The following TMEM231 variants were observed in gnomAD, a reference collection of about 807,000 sequenced individuals.
TMEM231 encodes the protein transmembrane protein 231.
A neutral mutation model predicts 38.5 loss-of-function variants in TMEM231; 40 were observed. The ratio of observed to expected loss-of-function variants is 1.04; its 90% CI spans 0.81 to 1.35. The LOEUF (loss-of-function observed/expected upper bound fraction) is 1.35. Among genes scored for constraint, TMEM231 ranks in the 40% most tolerant of loss-of-function variants. TMEM231 has a pLI of 0.00. For synonymous variants in TMEM231, 199 were observed against 181.7 expected (o/e 1.10, Z -0.77); for missense variants, 420 against 416.9 (o/e 1.01, Z -0.07).
At position 75,538,195 on chromosome 16, in the gene TMEM231, A is replaced by G. The variant is rs1404373407; in HGVS notation, c.*1799T>C. The G allele has an allele frequency of 6.6e-6, 1 of 152,136 alleles. No homozygotes were observed. Among genetic ancestry groups the G allele is most frequent in the Non-Finnish European group, 1.5e-5 (1 of 68,024 alleles). The allele number at this position is 152,136 out of a possible 1,614,324, so 9.4% of individuals were successfully genotyped here. On this transcript the variant is annotated 3_prime_UTR_variant, in exon 7 of 7. Coordinates refer to ENST00000258173, the MANE Select transcript of TMEM231 (RefSeq NM_001077418.3). ...CACTCTGTCACCCAGGCTACAGTAC[A>G]GTGGTGCAATCATAGCACACTGCAG... is the stretch of plus-strand genomic sequence containing the variant.
chr16:75,540,177 A>C lies in TMEM231; in HGVS notation c.771-3T>G, dbSNP rs756762116. ...TCTCCCAGAATCCTGGCTGATAAGT[A>C]TGGACAGTTAAGGAGTGAAGGGCCA... On this transcript the variant is annotated splice_region_variant and splice_polypyrimidine_tract_variant and intron_variant, in intron 6 of 6. Transcript: ENST00000258173. 6.2e-7 allele frequency: 1 copy of C among 1,611,226 alleles called. No individual in the cohort carries two copies. The highest frequency in any genetic ancestry group is 8.5e-7 in the Non-Finnish European group (1 of 1,178,678).
rs1242818846 is a variant in TMEM231, at chr16:75,538,208, T to C, written c.*1786A>G. The C allele has an allele frequency of 6.6e-6, 1 of 152,144 alleles. No individual in the cohort carries two copies. Among genetic ancestry groups the C allele is most frequent in the African/African-American group, 2.4e-5 (1 of 41,416 alleles). The allele number at this position is 152,144 out of a possible 1,614,324, so 9.4% of individuals were successfully genotyped here. ...AGGCTACAGTACAGTGGTGCAATCA[T>C]AGCACACTGCAGCCTCAAGCTCCTG... On this transcript the variant is annotated 3_prime_UTR_variant, in exon 7 of 7. Transcript: ENST00000258173.
rs2080567756 is a variant in TMEM231, at chr16:75,537,120, T to TC, written c.*2873dup. ...CTGGGTAACAGAGTGAGACTCTGTC[T>TC]CAAAAAAAAAAAAAAAAAAGAAAAA... On this transcript the variant is annotated 3_prime_UTR_variant, in exon 7 of 7. Transcript: ENST00000258173. 3.4e-5 allele frequency: 2 copies of TC among 58,932 alleles called. No individual in the cohort carries two copies. The highest frequency in any genetic ancestry group is 5.7e-5 in the Non-Finnish European group (2 of 35,170). 3.7% of individuals were successfully genotyped at this position (58,932 alleles called of 1,614,324 possible).
In TMEM231 at chr16:75,537,439, C is replaced by T. The variant is rs1303823785; in HGVS notation, c.*2555G>A. 1 of 151,632 alleles carries T rather than the reference C, an allele frequency of 6.6e-6. No individual in the cohort carries two copies. The highest frequency in any genetic ancestry group is 1.5e-5 in the Non-Finnish European group (1 of 67,958). 9.4% of individuals were successfully genotyped at this position (151,632 alleles called of 1,614,324 possible). ...CAAATATTCAGTAATAACATCAAAC[C>T]TTAACTTAGCTATGGGTCGGAGCTG... is the stretch of plus-strand genomic sequence containing the variant. On this transcript the variant is annotated 3_prime_UTR_variant, in exon 7 of 7. Coordinates refer to ENST00000258173, the MANE Select transcript of TMEM231 (RefSeq NM_001077418.3).
At position 75,539,329 on chromosome 16, in the gene TMEM231, C is replaced by G. The variant is rs576348684; in HGVS notation, c.*665G>C. ...TAGGGCAAAGAGCCCAGTCACAGTA[C>G]GGCAAAGATCCAGGGCTGCTCAGCT... On this transcript the variant is annotated 3_prime_UTR_variant, in exon 7 of 7. Transcript: ENST00000258173. 4.6e-5 allele frequency: 7 copies of G among 152,518 alleles called. No homozygotes were observed. Among genetic ancestry groups the G allele is most frequent in the African/African-American group, 1.4e-4 (6 of 41,476 alleles). 9.4% of individuals were successfully genotyped at this position (152,518 alleles called of 1,614,324 possible).
At chr16:75,555,070 C>T (rs1236192788) in intron 2 of TMEM231, 3 of 152,140 alleles carry the variant, frequency 2.0e-5, no homozygotes, top group Non-Finnish European at 4.4e-5. Context: ...AAGTTTCATA[C>T]TTCTAAAGGA....
intron 3 of TMEM231, among the ~76,000 whole-genome samples, 162 bp downstream of exon 3, chr16:75,545,664 T>C (rs2080681007): frequency 1.1e-5 from 1 of 91,940 alleles, no homozygotes; most frequent in Non-Finnish European, 2.2e-5. Context: ...CCCATGTCAG[T>C]TAATATGACT....
rs776577271 is a variant in TMEM231 at position 75,541,384 on chromosome 16, T to G, written c.736A>C (p.Asn246His). The stretch of plus-strand genomic sequence containing the variant: ...TCCACAGGGTATCGGATGATAGCAT[T>G]AATCACAAATGGAGCATCTGCGGCC... ...GRAADAPFVINAIIRYPVEVI... is the reference protein window; with the variant it reads ...GRAADAPFVIHAIIRYPVEVI... The change falls in exon 6 of 7, where the codon AAT becomes CAT. Residue 246 changes from asparagine (N) to histidine (H), a missense_variant. Physicochemically the swap from Asn to His is moderately conservative, Grantham distance 68. Coordinates refer to ENST00000258173, the MANE Select transcript of TMEM231 (RefSeq NM_001077418.3). 6.2e-7 allele frequency: 1 copy of G among 1,611,946 alleles called. No individual in the cohort carries two copies. The highest frequency in any genetic ancestry group is 1.1e-5 in the South Asian group (1 of 90,792).
At chr16:75,546,196 A>G (rs1328809039) in intron 2 of TMEM231, 1 of 1,182,468 alleles carries the variant, frequency 8.5e-7, no homozygotes, top group Non-Finnish European at 1.2e-6. Flanking sequence ...ATAAATGGGC[A>G]ATAACAAAAA....
Position 75,537,901 on chromosome 16 carries a change from A to G in TMEM231, c.*2093T>C, listed in dbSNP as rs1281815880. The G allele has an allele frequency of 3.3e-5, 5 of 152,220 alleles. No homozygotes were observed. Among genetic ancestry groups the G allele is most frequent in the Admixed American group, 1.3e-4 (2 of 15,266 alleles). 9.4% of individuals were successfully genotyped at this position (152,220 alleles called of 1,614,324 possible). On this transcript the variant is annotated 3_prime_UTR_variant, in exon 7 of 7. Transcript: ENST00000258173. ...ACACAGTCATAATTATCCAACACGT[A>G]GATTTCACATGGCATGTGAATCCCA...
rs1473195653 is a variant in TMEM231, at chr16:75,538,448, T to C, written c.*1546A>G. ...CATATCTCATTGCCTTATGTGAATT[T>C]AAACAAGAAACTATTTTTCGTTTAG... On this transcript the variant is annotated 3_prime_UTR_variant, in exon 7 of 7. Coordinates refer to ENST00000258173, the MANE Select transcript of TMEM231 (RefSeq NM_001077418.3). The C allele has an allele frequency of 6.6e-6, 1 of 152,230 alleles. No individual in the cohort carries two copies. Among genetic ancestry groups the C allele is most frequent in the African/African-American group, 2.4e-5 (1 of 41,462 alleles). The allele number at this position is 152,230 out of a possible 1,614,324, so 9.4% of individuals were successfully genotyped here.
intron 2 of TMEM231, among the ~76,000 whole-genome samples, chr16:75,551,207 TC>T (rs1248742026): frequency 6.6e-6 from 1 of 152,202 alleles, no homozygotes; most frequent in Admixed American, 6.5e-5. Flanking sequence ...TCTTTTTTTT[TC>T]TATTTCTTTT....
At chr16:75,545,772 T>C (rs2080682253) in intron 3 of TMEM231, 54 bp downstream of exon 3, 7 of 757,328 alleles carry the variant, frequency 9.2e-6, no homozygotes, top group Non-Finnish European at 9.9e-6. Context: ...AGAAGGACTC[T>C]GGTCTACTAA....
intron 4 of TMEM231, among the ~76,000 whole-genome samples, chr16:75,543,428 G>C (rs1240934739): frequency 6.6e-6 from 1 of 152,132 alleles, no homozygotes; most frequent in African/African-American, 2.4e-5. Context: ...AAATTAGCCA[G>C]GCGTGGTGGC....
intron 2 of TMEM231, among the ~76,000 whole-genome samples, chr16:75,553,875 T>C (rs553769687): frequency 2.6e-5 from 4 of 152,210 alleles, no homozygotes; most frequent in East Asian, 1.9e-4. Flanking sequence ...TCTCCAGGTC[T>C]TGAGATAACA....
At chr16:75,546,180 GC>G (rs1352376767) in intron 2 of TMEM231, 1 of 1,377,732 alleles carries the variant, frequency 7.3e-7, no homozygotes, top group Non-Finnish European at 9.8e-7. Context: ...ATGTTCACTG[GC>G]CAAAATAAAT....
chr16:75,546,541 C>A (rs936413509), intron 2 of TMEM231, among the ~76,000 whole-genome samples: 1 of 152,088 alleles, frequency 6.6e-6, no homozygotes, highest in African/African-American at 2.4e-5. Context: ...CTCCCAGGGT[C>A]AAGGAATTGT....
chr16:75,542,709 G>T, intron 4 of TMEM231, 26 bp from the exon 5 acceptor site: 5 of 1,609,340 alleles, frequency 3.1e-6, no homozygotes, highest in East Asian at 2.2e-5. Flanking sequence ...AGGATGTGGT[G>T]TGAGCACCTG....
chr16:75,548,622 A>C (rs1022503407), intron 2 of TMEM231, among the ~76,000 whole-genome samples: 9 of 152,212 alleles, frequency 5.9e-5, no homozygotes, highest in African/African-American at 2.2e-4. Flanking sequence ...TAATCCCAGC[A>C]CTTTGGGAGG....
Sources: allele counts gnomAD v4.1 joint callset (sites outside exome capture counted in the v4.1 genomes callset), GRCh38; gene constraint gnomAD v4.1.1; transcripts MANE v1.5; gene names NCBI Gene and HGNC (gene_info 2026-07-23, HGNC 2026-07-21).